Variants in PTPRD observed in about 807,000 individuals in gnomAD.
PTPRD encodes the protein receptor-type tyrosine-protein phosphatase delta.
PTPRD carries 34 observed loss-of-function variants against 214.5 expected under a neutral mutation model. The observed-to-expected ratio is 0.16, with a 90% CI of 0.12 to 0.21. The LOEUF (loss-of-function observed/expected upper bound fraction) is 0.21, where lower values mean the gene tolerates loss of function less well. Ranked by LOEUF, PTPRD falls within the 10% of genes least tolerant of loss-of-function variation. The pLI, the probability that PTPRD is intolerant of heterozygous loss-of-function variation, is 1.00. For missense variants in PTPRD, 2,545 were observed against 2,398.7 expected, an observed-to-expected ratio of 1.06 and a Z score of -1.27; for synonymous variants, 1,128 against 845.7, an observed-to-expected ratio of 1.33 and a Z score of -5.79.
In PTPRD at chr9:9,580,721, G is replaced by C. The variant is rs144402865; in HGVS notation, c.-286-5940C>G. Among the ~76,000 whole-genome samples, 368 of 151,622 alleles carry C rather than the reference G, an allele frequency of 2.4e-3. 1 individual carries two copies. The highest frequency in any genetic ancestry group is 8.3e-3 in the African/African-American group (342 of 41,368). On this transcript the variant is annotated intron_variant, in intron 7 of 45. Transcript: ENST00000381196. ...CTACCACCATGCCTGCCTAATTTTT[G>C]TATTTTTAGTAGAGATGGGCTTTCA...
chr9:10,570,114 TAAG>T (rs2066955893), intron 2 of PTPRD, among the ~76,000 whole-genome samples: 1 of 152,276 alleles, frequency 6.6e-6, no homozygotes, highest in East Asian at 1.9e-4. Flanking sequence ...AAAAGAATCT[TAAG>T]GAGACTGTTC....
intron 2 of PTPRD, among the ~76,000 whole-genome samples, chr9:10,500,661 G>T (rs2043384519): frequency 6.6e-6 from 1 of 151,518 alleles, no homozygotes; most frequent in Non-Finnish European, 1.5e-5. Context: ...TCTAGTTTTT[G>T]TACCCATTAG....
intron 39 of PTPRD, among the ~76,000 whole-genome samples, chr9:8,368,282 G>A (rs929317704): frequency 2.0e-5 from 3 of 152,158 alleles, no homozygotes; most frequent in African/African-American, 4.8e-5. Context: ...TAGCTGGCGA[G>A]TGAGGAAAGT....
At chr9:10,523,854 A>T (rs1213851405) in intron 2 of PTPRD, among the ~76,000 whole-genome samples, 4 of 151,702 alleles carry the variant, frequency 2.6e-5, no homozygotes, top group Non-Finnish European at 4.4e-5. Flanking sequence ...GATACCAAAA[A>T]CTTTTATCAT....
chr9:8,365,151 A>T (rs1281421970), intron 39 of PTPRD, among the ~76,000 whole-genome samples: 1 of 152,042 alleles, frequency 6.6e-6, no homozygotes, highest in Non-Finnish European at 1.5e-5. Context: ...AAAAAAAATT[A>T]AAAAAAGAGA....
chr9:9,855,240 G>A (rs1352107882), intron 5 of PTPRD, among the ~76,000 whole-genome samples: 2 of 152,054 alleles, frequency 1.3e-5, no homozygotes, highest in Non-Finnish European at 2.9e-5. Context: ...TTACAGGAAG[G>A]AAATTTAAAA....
intron 35 of PTPRD, among the ~76,000 whole-genome samples, chr9:8,435,120 C>A (rs764579280): frequency 6.6e-6 from 1 of 152,160 alleles, no homozygotes; most frequent in Non-Finnish European, 1.5e-5. Context: ...CTGAATGAAA[C>A]GTGGTCTGGC....
At chr9:9,810,806 G>C (rs10978002) in intron 5 of PTPRD, among the ~76,000 whole-genome samples, 2 of 151,732 alleles carry the variant, frequency 1.3e-5, no homozygotes, top group African/African-American at 4.8e-5. Flanking sequence ...ATCTTTTAAA[G>C]CTGTAGCTGC....
intron 5 of PTPRD, among the ~76,000 whole-genome samples, chr9:9,930,197 G>A (rs1183529398): frequency 2.6e-5 from 4 of 152,178 alleles, no homozygotes; most frequent in Non-Finnish European, 4.4e-5. Flanking sequence ...AACAGTTTAG[G>A]AGACCTGCAG....
chr9:8,818,106 A>G (rs974774383), intron 11 of PTPRD, among the ~76,000 whole-genome samples: 1 of 152,226 alleles, frequency 6.6e-6, no homozygotes, highest in Non-Finnish European at 1.5e-5. Flanking sequence ...AGAGCATCTG[A>G]AACACTGTAT....
intron 3 of PTPRD, among the ~76,000 whole-genome samples, chr9:10,054,449 G>A (rs2154157835): frequency 6.6e-6 from 1 of 152,234 alleles, no homozygotes; most frequent in East Asian, 1.9e-4. Context: ...TGACTACACT[G>A]TAGAAAGGCT....
At chr9:9,790,825 C>G (rs2098961617) in intron 5 of PTPRD, among the ~76,000 whole-genome samples, 3 of 151,868 alleles carry the variant, frequency 2.0e-5, no homozygotes, top group East Asian at 1.9e-4. Flanking sequence ...CCAAGTATGA[C>G]AATAGGCAAT....
intron 2 of PTPRD, among the ~76,000 whole-genome samples, chr9:10,405,826 G>T (rs1482355009): frequency 1.3e-5 from 2 of 151,444 alleles, no homozygotes; most frequent in South Asian, 2.1e-4. Context: ...TAGGCATCAA[G>T]ATTTTATTAA....
chr9:10,203,066 C>T (rs1327502165), intron 3 of PTPRD, among the ~76,000 whole-genome samples: 1 of 151,606 alleles, frequency 6.6e-6, no homozygotes, highest in Non-Finnish European at 1.5e-5. Flanking sequence ...GTTAGATATA[C>T]GTGTACTTCT....
At chr9:9,035,201 T>C (rs2099617750) in intron 10 of PTPRD, among the ~76,000 whole-genome samples, 1 of 152,142 alleles carries the variant, frequency 6.6e-6, no homozygotes, top group Non-Finnish European at 1.5e-5. Context: ...CTTTGCCTAG[T>C]GTAAGGATGT....
At chr9:8,848,969 A>C (rs941145071) in intron 11 of PTPRD, among the ~76,000 whole-genome samples, 2 of 151,878 alleles carry the variant, frequency 1.3e-5, no homozygotes, top group Non-Finnish European at 2.9e-5. Flanking sequence ...ATGCTCAGTA[A>C]GTTTTAGAAA....
At chr9:9,582,302 T>C (rs564397320) in intron 7 of PTPRD, among the ~76,000 whole-genome samples, 1 of 152,144 alleles carries the variant, frequency 6.6e-6, no homozygotes, top group Admixed American at 6.6e-5. Flanking sequence ...TTAAGAGGCA[T>C]GTTCCTCTTT....
At chr9:9,693,881 A>G (rs913594957) in intron 7 of PTPRD, among the ~76,000 whole-genome samples, 3 of 152,182 alleles carry the variant, frequency 2.0e-5, no homozygotes, top group Non-Finnish European at 4.4e-5. Flanking sequence ...TGCTATTAAG[A>G]GACTCTGTTG....
intron 5 of PTPRD, among the ~76,000 whole-genome samples, chr9:9,841,171 C>T (rs555774059): frequency 1.3e-5 from 2 of 152,106 alleles, no homozygotes; most frequent in Admixed American, 6.6e-5. Context: ...AATTATTTTG[C>T]ATCGTCGGAA....
Sources: gnomAD v4.1 joint callset for allele counts (sites outside exome capture counted in the v4.1 genomes callset) on GRCh38, gnomAD v4.1.1 for gene constraint, MANE v1.5 for transcripts, NCBI Gene and HGNC (gene_info 2026-07-23, HGNC 2026-07-21) for gene names.